The following POU6F2 variants were observed in gnomAD, a reference collection of about 807,000 sequenced individuals.
The protein encoded by POU6F2 is POU domain, class 6, transcription factor 2.
In POU6F2, 31 loss-of-function variants were observed where a neutral mutation model predicts 71.3. That is an observed-to-expected ratio of 0.43 (90% confidence interval 0.33 to 0.59). The LOEUF (loss-of-function observed/expected upper bound fraction) is 0.59, where lower values mean the gene tolerates loss of function less well. Among genes scored for constraint, POU6F2 ranks in the 20% least tolerant of loss-of-function variants. The probability of loss-of-function intolerance (pLI) is 0.04; values close to 1 mark genes in which losing one functional copy is unlikely to be tolerated. For synonymous variants in POU6F2, 347 were observed against 355.7 expected (o/e 0.98, Z 0.27); for missense variants, 783 against 856.8 (o/e 0.91, Z 1.07).
At chr7:39,387,401 A>C (rs1329455721) in intron 5 of POU6F2, among the ~76,000 whole-genome samples, 1 of 152,184 alleles carries the variant, frequency 6.6e-6, no homozygotes, top group Non-Finnish European at 1.5e-5. Context: ...CTTCTTTTAC[A>C]GACCACAATG....
intron 4 of POU6F2, among the ~76,000 whole-genome samples, chr7:39,308,157 T>G (rs528864776): frequency 2.0e-5 from 3 of 152,298 alleles, no homozygotes; most frequent in East Asian, 3.9e-4. Flanking sequence ...AACTCAGCTA[T>G]TCATAGAAGG....
intron 5 of POU6F2, among the ~76,000 whole-genome samples, chr7:39,377,477 A>G (rs749168136): frequency 8.5e-5 from 13 of 152,174 alleles, no homozygotes; most frequent in Admixed American, 8.5e-4. Context: ...TTCCTTAGTA[A>G]ATGAAAATGT....
intron 4 of POU6F2, among the ~76,000 whole-genome samples, chr7:39,245,941 T>C (rs1165059759): frequency 4.6e-5 from 7 of 152,182 alleles, no homozygotes; most frequent in African/African-American, 1.4e-4. Context: ...AAGCACTAGA[T>C]ATATAGATGA....
In POU6F2 at chr7:39,267,587, TAATG is replaced by T. The variant is rs1784270921; in HGVS notation, c.598+59973_598+59976del. Among the ~76,000 whole-genome samples the T allele has an allele frequency of 4.6e-5, 7 of 152,350 alleles. No individual in the cohort carries two copies. In the South Asian group the frequency reaches 1.5e-3, roughly 32 times the overall value. Reference sequence around the variant, plus strand: ...ATATTCTTCTGCAAAGTAATACGCTTAATGAATGAGTACTAGCTGTTAACTTTTC... The same window carrying T: ...ATATTCTTCTGCAAAGTAATACGCTTAATGAGTACTAGCTGTTAACTTTTC... On this transcript the variant is annotated intron_variant, in intron 4 of 9. Coordinates refer to ENST00000518318, the MANE Select transcript of POU6F2 (RefSeq NM_001370959.1).
intron 2 of POU6F2, among the ~76,000 whole-genome samples, chr7:39,177,349 C>A (rs1222973200): frequency 1.3e-5 from 2 of 152,128 alleles, no homozygotes; most frequent in African/African-American, 4.8e-5. Context: ...AGTGGGGGCA[C>A]CTGTGTTAGA....
chr7:38,985,523 T>G (rs1012799260), intron 1 of POU6F2, among the ~76,000 whole-genome samples: 1 of 152,108 alleles, frequency 6.6e-6, no homozygotes, highest in African/African-American at 2.4e-5. Context: ...TGCAGCCAGA[T>G]TTGACAAGAT....
chr7:39,031,834 T>C (rs1452053612), intron 1 of POU6F2, among the ~76,000 whole-genome samples: 1 of 151,698 alleles, frequency 6.6e-6, no homozygotes, highest in African/African-American at 2.4e-5. Context: ...TGAGCTGAGA[T>C]CATGCCACTG....
chr7:39,423,713 G>A (rs1166954293), intron 6 of POU6F2, among the ~76,000 whole-genome samples: 1 of 152,132 alleles, frequency 6.6e-6, no homozygotes, highest in African/African-American at 2.4e-5. Flanking sequence ...ACATTTCCCA[G>A]GAGAAGATAG....
chr7:39,018,777 T>C (rs909284659), intron 1 of POU6F2, among the ~76,000 whole-genome samples: 1 of 152,126 alleles, frequency 6.6e-6, no homozygotes, highest in African/African-American at 2.4e-5. Context: ...CCACTAAAAG[T>C]AGAAATACAA....
At chr7:39,351,601 C>T (rs1583544319) in intron 5 of POU6F2, among the ~76,000 whole-genome samples, 1 of 152,174 alleles carries the variant, frequency 6.6e-6, no homozygotes, top group Non-Finnish European at 1.5e-5. Context: ...TATAGTAGGG[C>T]TTTTCAAACT....
At chr7:39,311,084 A>G (rs1360392961) in intron 4 of POU6F2, among the ~76,000 whole-genome samples, 1 of 152,090 alleles carries the variant, frequency 6.6e-6, no homozygotes, top group East Asian at 1.9e-4. Context: ...TCCGGAGAGC[A>G]GGGAGTGGGT....
chr7:39,197,369 G>A lies in POU6F2; in HGVS notation c.278-6866G>A, dbSNP rs114340366. ...CCTTGGGTTCGCCCATGTGCGATAG[G>A]TTGGGGTGGTGCCTTGGGGAAGGAG... is the stretch of plus-strand genomic sequence containing the variant. On this transcript the variant is annotated intron_variant, in intron 2 of 9. Coordinates refer to ENST00000518318, the MANE Select transcript of POU6F2 (RefSeq NM_001370959.1). 2.7e-3 allele frequency among the ~76,000 whole-genome samples: 416 copies of A among 152,388 alleles called. 1 individual carries two copies. Among genetic ancestry groups the A allele is most frequent in the African/African-American group, 9.5e-3 (394 of 41,604 alleles).
intron 6 of POU6F2, among the ~76,000 whole-genome samples, chr7:39,424,041 T>C (rs1479891337): frequency 6.6e-6 from 1 of 152,204 alleles, no homozygotes; most frequent in East Asian, 1.9e-4. Context: ...TGCCAGCAGA[T>C]TCAGTGTTCA....
At chr7:38,995,912 C>T (rs914700829) in intron 1 of POU6F2, among the ~76,000 whole-genome samples, 1 of 152,166 alleles carries the variant, frequency 6.6e-6, no homozygotes, top group African/African-American at 2.4e-5. Flanking sequence ...TCTATCCTCA[C>T]ATTCTTGCTT....
chr7:39,451,731 C>T (rs1230465936), intron 8 of POU6F2, 30 bp downstream of exon 8: 1 of 1,542,352 alleles, frequency 6.5e-7, no homozygotes, highest in Non-Finnish European at 8.8e-7. Flanking sequence ...CGGTTTAAAT[C>T]GTGGTGGCCT....
chr7:39,197,691 C>T (rs543347525), intron 2 of POU6F2, among the ~76,000 whole-genome samples: 1 of 152,186 alleles, frequency 6.6e-6, no homozygotes, highest in Non-Finnish European at 1.5e-5. Context: ...ATGAGCAAGG[C>T]TTCTTAGACT....
In POU6F2 at chr7:39,019,456, A is replaced by C. The variant is rs1789629558; in HGVS notation, c.105+41398A>C. Among the ~76,000 whole-genome samples the C allele has an allele frequency of 3.9e-5, 6 of 152,174 alleles. No individual in the cohort carries two copies. In the South Asian group the frequency reaches 1.2e-3, roughly 32 times the overall value. ...TTTTTTTCTGCTCAACGCCATATGG[A>C]ATCTTTCAAAATGAAGACTTACAGT... On this transcript the variant is annotated intron_variant, in intron 1 of 9. Transcript: ENST00000518318.
At chr7:39,352,836 C>CT (rs1341903126) in intron 5 of POU6F2, among the ~76,000 whole-genome samples, 1 of 152,112 alleles carries the variant, frequency 6.6e-6, no homozygotes, top group East Asian at 1.9e-4. Flanking sequence ...GCTTCTATTG[C>CT]TTCCATCACC....
intron 5 of POU6F2, among the ~76,000 whole-genome samples, chr7:39,399,443 C>T (rs1470963801): frequency 6.6e-6 from 1 of 152,174 alleles, no homozygotes; most frequent in African/African-American, 2.4e-5. Context: ...TTGGAGATTC[C>T]CACCATTCCC....
Sources: gnomAD v4.1 joint callset for allele counts (sites outside exome capture counted in the v4.1 genomes callset) on GRCh38, gnomAD v4.1.1 for gene constraint, MANE v1.5 for transcripts, NCBI Gene and HGNC (gene_info 2026-07-23, HGNC 2026-07-21) for gene names.